Variants in SNRPC observed in about 807,000 individuals in gnomAD.
The protein encoded by SNRPC is small nuclear ribonucleoprotein polypeptide C.
In SNRPC, 5 loss-of-function variants were observed where a neutral mutation model predicts 20.0. That is an observed-to-expected ratio of 0.25 (90% CI 0.13 to 0.53). The LOEUF is 0.53. Among genes scored for constraint, SNRPC ranks in the 20% least tolerant of loss-of-function variants. The pLI, the probability that SNRPC is intolerant of heterozygous loss-of-function variation, is 0.96. For synonymous variants in SNRPC, 61 were observed against 58.7 expected (o/e 1.04, Z -0.18); for missense variants, 112 against 224.1 (o/e 0.50, Z 3.19).
rs753560214 is a variant in SNRPC, at chr6:34,762,577, G to A, written c.52-18G>A. 4 of 1,338,466 alleles carry A rather than the reference G, an allele frequency of 3.0e-6. No individual in the cohort carries two copies. The African/African-American group carries it at 5.8e-5, about 19-fold the overall frequency. 82.9% of individuals were successfully genotyped at this position (1,338,466 alleles called of 1,614,324 possible). A position where few individuals can be genotyped will look rare whatever the true frequency, so the allele number is the denominator to read the frequency against. On this transcript the variant is annotated intron_variant, in intron 2 of 5. Transcript: ENST00000244520. ...GGACATTTGTTTCTACGTCTGATAT[G>A]ATCTTTTTATTTTACAGCCATCTGT...
chr6:34,773,110 T>G lies in SNRPC; in HGVS notation c.356-336T>G, dbSNP rs1581594575. The G allele has an allele frequency of 1.3e-5, 3 of 231,122 alleles. No individual in the cohort carries two copies. The East Asian group carries it at 3.0e-4, about 23-fold the overall frequency. The allele number at this position is 231,122 out of a possible 1,614,324, so 14.3% of individuals were successfully genotyped here. A position where few individuals can be genotyped will look rare whatever the true frequency, so the allele number is the denominator to read the frequency against. On this transcript the variant is annotated intron_variant, in intron 5 of 5. Coordinates refer to ENST00000244520, the MANE Select transcript of SNRPC (RefSeq NM_003093.3). The surrounding 1 kb of genome is among the most constrained non-coding windows in gnomAD (Gnocchi z 4.1). ...CTGACTGAAAAACATGTGACTTAGTTGTGAATTTCCCTGAGTGAGAAAAAA... is the reference window on the plus strand; with the variant it reads ...CTGACTGAAAAACATGTGACTTAGTGGTGAATTTCCCTGAGTGAGAAAAAA...
intron 3 of SNRPC, among the ~76,000 whole-genome samples, chr6:34,766,657 C>T (rs1327008181): frequency 2.0e-5 from 3 of 152,198 alleles, no homozygotes; most frequent in Non-Finnish European, 4.4e-5. Context: ...TTTGCTTCCC[C>T]CACTTCAGGC....
At chr6:34,760,885 A>C (rs1332100777) in intron 2 of SNRPC, among the ~76,000 whole-genome samples, 1 of 142,100 alleles carries the variant, frequency 7.0e-6, no homozygotes, top group Non-Finnish European at 1.6e-5. Flanking sequence ...CTCTACTAAA[A>C]ATACAAAAAA....
chr6:34,771,349 A>G lies in SNRPC; in HGVS notation c.355+954A>G, dbSNP rs6914231. 2.5e-3 allele frequency among the ~76,000 whole-genome samples: 350 copies of G among 140,908 alleles called. 10 individuals carry two copies. The highest frequency in any genetic ancestry group is 5.6e-3 in the African/African-American group (204 of 36,652). The allele number at this position is 140,908 out of a possible 152,430, so 92.4% of individuals were successfully genotyped here. On this transcript the variant is annotated intron_variant, in intron 5 of 5. Transcript: ENST00000244520. ...GTCTCAAAAAAAAAAAAAAAAAAAAAGTGTGTCTAATGATTGGAACACTGT... is the reference window on the plus strand; with the variant it reads ...GTCTCAAAAAAAAAAAAAAAAAAAAGGTGTGTCTAATGATTGGAACACTGT...
intron 3 of SNRPC, among the ~76,000 whole-genome samples, chr6:34,763,595 C>T (rs1764566976): frequency 6.6e-6 from 1 of 150,382 alleles, no homozygotes; most frequent in African/African-American, 2.5e-5. Flanking sequence ...GCAGGAGAAT[C>T]GCTTGAACCC....
At chr6:34,767,842 T>G in intron 3 of SNRPC, 66 bp from the exon 4 acceptor site, 1 of 1,483,480 alleles carries the variant, frequency 6.7e-7, no homozygotes, top group Middle Eastern at 1.8e-4. Context: ...AAAGTGGTTA[T>G]TTTAGTTACT....
chr6:34,773,296 T>C lies in SNRPC; in HGVS notation c.356-150T>C. The C allele has an allele frequency of 1.6e-6, 1 of 625,702 alleles. No individual in the cohort carries two copies. The highest frequency in any genetic ancestry group is 3.0e-5 in the Admixed American group (1 of 33,842). 38.8% of individuals were successfully genotyped at this position (625,702 alleles called of 1,614,324 possible). A position where few individuals can be genotyped will look rare whatever the true frequency, so the allele number is the denominator to read the frequency against. ...TAAGTAATTTACAGATGTGATAAAT[T>C]TGTTGCATTTCTTCTGTCACGTGTG... On this transcript the variant is annotated intron_variant, in intron 5 of 5. Transcript: ENST00000244520. This position sits in a 1 kb window ranked among gnomAD's most constrained non-coding sequence, Gnocchi z 4.1.
In SNRPC at chr6:34,761,265, G is replaced by A. The variant is rs190596038; in HGVS notation, c.52-1330G>A. On this transcript the variant is annotated intron_variant, in intron 2 of 5. Coordinates refer to ENST00000244520, the MANE Select transcript of SNRPC (RefSeq NM_003093.3). ...AGTGATTCTCCTGCCTCAGCCTCCC[G>A]AGTAGCTGGGATTACAGGCGCGTGC... Among the ~76,000 whole-genome samples, 1,271 of 151,276 alleles carry A rather than the reference G, an allele frequency of 8.4e-3. 19 individuals are homozygous for A. The highest frequency in any genetic ancestry group is 0.027 in the African/African-American group (1,106 of 41,268).
intron 2 of SNRPC, 103 bp from the exon 3 acceptor site, chr6:34,762,492 G>A: frequency 1.6e-6 from 1 of 630,514 alleles, no homozygotes; most frequent in Non-Finnish European, 2.9e-6. Context: ...GCCAGCTAAT[G>A]CTGCTGATAC....
Position 34,773,317 on chromosome 6 carries a change from G to A in SNRPC, c.356-129G>A, listed in dbSNP as rs11968972. 0.12 allele frequency: 82,435 copies of A among 695,546 alleles called. 5,734 individuals are homozygous for A. The highest frequency in any genetic ancestry group is 0.25 in the African/African-American group (13,674 of 55,694). 43.1% of individuals were successfully genotyped at this position (695,546 alleles called of 1,614,324 possible). ...AAATTTGTTGCATTTCTTCTGTCACGTGTGTCTTTTTTCCAGCATTTTGCA... is the reference window on the plus strand; with the variant it reads ...AAATTTGTTGCATTTCTTCTGTCACATGTGTCTTTTTTCCAGCATTTTGCA... On this transcript the variant is annotated intron_variant, in intron 5 of 5. Transcript: ENST00000244520. The surrounding 1 kb of genome is among the most constrained non-coding windows in gnomAD (Gnocchi z 4.1).
rs114046272 is a variant in SNRPC, at chr6:34,768,795, A to G, written c.250+798A>G. 4.2e-3 allele frequency among the ~76,000 whole-genome samples: 637 copies of G among 151,700 alleles called. 3 individuals are homozygous for G. The highest frequency in any genetic ancestry group is 0.015 in the African/African-American group (601 of 41,428). On this transcript the variant is annotated intron_variant, in intron 4 of 5. Coordinates refer to ENST00000244520, the MANE Select transcript of SNRPC (RefSeq NM_003093.3). ...AGAAAAGAAAAGAAGGAAAGGTAAG[A>G]ATTAGATCATTGAAAGTGGAGTGGA... is the stretch of plus-strand genomic sequence containing the variant.
At chr6:34,764,027 A>T (rs1764579984) in intron 3 of SNRPC, among the ~76,000 whole-genome samples, 2 of 151,270 alleles carry the variant, frequency 1.3e-5, no homozygotes, top group African/African-American at 4.8e-5. Flanking sequence ...AAATTTTTTT[A>T]AAAATTAAAA....
chr6:34,760,111 C>CTT (rs201265600), intron 2 of SNRPC, among the ~76,000 whole-genome samples: 85 of 123,378 alleles, frequency 6.9e-4, no homozygotes, highest in African/African-American at 2.3e-3. Context: ...TGTATATTAT[C>CTT]TTTTTTTTTT....
intron 5 of SNRPC, among the ~76,000 whole-genome samples, chr6:34,772,654 T>A (rs142556806): frequency 6.6e-6 from 1 of 152,316 alleles, no homozygotes; most frequent in Admixed American, 6.5e-5. Flanking sequence ...AGAATATAGA[T>A]AACGTGAAAT....
At chr6:34,759,298 A>G (rs895130685) in intron 2 of SNRPC, among the ~76,000 whole-genome samples, 7 of 152,150 alleles carry the variant, frequency 4.6e-5, no homozygotes, top group Non-Finnish European at 1.0e-4. Flanking sequence ...TGTTCCATCA[A>G]AGAGGCAGCT....
chr6:34,772,425 A>C (rs1378928256), intron 5 of SNRPC, among the ~76,000 whole-genome samples: 1 of 152,118 alleles, frequency 6.6e-6, no homozygotes, highest in Admixed American at 6.6e-5. Flanking sequence ...ATGGGCTTTT[A>C]TGTCGTATTT....
intron 2 of SNRPC, among the ~76,000 whole-genome samples, chr6:34,761,876 G>A (rs1764541999): frequency 6.6e-6 from 1 of 152,006 alleles, no homozygotes; most frequent in African/African-American, 2.4e-5. Context: ...GTAGTGGAGT[G>A]ATCTTGGCTC....
chr6:34,757,668 G>A (rs1267325856), intron 1 of SNRPC, 117 bp downstream of exon 1: 6 of 1,381,318 alleles, frequency 4.3e-6, no homozygotes, highest in African/African-American at 2.9e-5. Flanking sequence ...TATCTGGGCC[G>A]GGTGGACGGA....
chr6:34,757,603 C>T (rs45468793), intron 1 of SNRPC, 52 bp downstream of exon 1: 19,063 of 1,585,236 alleles, frequency 0.012, 147 homozygotes, highest in Non-Finnish European at 0.015. Context: ...GTTGTGGCCC[C>T]CATGCAGGAG....
Sources: gnomAD v4.1 joint callset for allele counts (sites outside exome capture counted in the v4.1 genomes callset) on GRCh38, gnomAD v4.1.1 for gene constraint, Gnocchi (gnomAD v3.1) non-coding constraint, MANE v1.5 for transcripts, NCBI Gene and HGNC (gene_info 2026-07-23, HGNC 2026-07-21) for gene names.